The following TMEM108 variants were observed in gnomAD, a reference collection of about 807,000 sequenced individuals.
The protein encoded by TMEM108 is transmembrane protein 108, also known as cancer/testis antigen 124.
In TMEM108, 12 loss-of-function variants were observed where a neutral mutation model predicts 35.1. The observed-to-expected ratio is 0.34, with a 90% CI of 0.22 to 0.55. The LOEUF (loss-of-function observed/expected upper bound fraction) is 0.55. Ranked by LOEUF, TMEM108 falls within the 20% of genes least tolerant of loss-of-function variation. The pLI, the probability that TMEM108 is intolerant of heterozygous loss-of-function variation, is 0.89. For missense variants in TMEM108, 680 were observed against 753.3 expected (o/e 0.90, Z 1.14); for synonymous variants, 287 against 308.6 (o/e 0.93, Z 0.73).
At position 133,381,025 on chromosome 3, in the gene TMEM108, C is replaced by G. The variant is rs2072997807; in HGVS notation, c.1314C>G (p.Thr438=). Reference sequence around the variant, plus strand: ...TCAACCGCCTGGTCCCCGCCGGGACCTGGAAGCCTGGGACAGCAGGGAACA... The same window carrying G: ...TCAACCGCCTGGTCCCCGCCGGGACGTGGAAGCCTGGGACAGCAGGGAACA... ...NFLNRLVPAG[T]WKPGTAGNIS... The change falls in exon 4 of 6, where the codon ACC becomes ACG. Residue 438 remains threonine (T), a synonymous_variant. Coordinates refer to ENST00000321871, the MANE Select transcript of TMEM108 (RefSeq NM_023943.4). The G allele has an allele frequency of 6.2e-7, 1 of 1,614,222 alleles. No individual in the cohort carries two copies. The highest frequency in any genetic ancestry group is 8.5e-7 in the Non-Finnish European group (1 of 1,180,030).
chr3:133,306,783 T>C (rs536544318), intron 3 of TMEM108, among the ~76,000 whole-genome samples: 1 of 152,246 alleles, frequency 6.6e-6, no homozygotes, highest in African/African-American at 2.4e-5. Flanking sequence ...GACGTTTGGG[T>C]TGGTTCCAAG....
At chr3:133,381,528 C>T (rs1442696754) in intron 4 of TMEM108, among the ~76,000 whole-genome samples, 1 of 152,204 alleles carries the variant, frequency 6.6e-6, no homozygotes, top group African/African-American at 2.4e-5. Context: ...AGCTGTCTTC[C>T]AGCCCAGTGC....
chr3:133,047,444 A>T (rs748025081), intron 2 of TMEM108, among the ~76,000 whole-genome samples: 2 of 152,134 alleles, frequency 1.3e-5, no homozygotes, highest in African/African-American at 2.4e-5. Context: ...TTAATTATTG[A>T]TTTGGGGTCA....
At chr3:133,315,016 T>G (rs1430614283) in intron 3 of TMEM108, among the ~76,000 whole-genome samples, 2 of 152,200 alleles carry the variant, frequency 1.3e-5, no homozygotes, top group Non-Finnish European at 2.9e-5. Context: ...TTACTTAATC[T>G]TGTTTTGTCT....
At position 133,178,151 on chromosome 3, in the gene TMEM108, A is replaced by G. The variant is rs150067137; in HGVS notation, c.-46-51115A>G. Among the ~76,000 whole-genome samples the G allele has an allele frequency of 8.6e-3, 1,303 of 152,304 alleles. 23 individuals carry two copies. The highest frequency in any genetic ancestry group is 0.03 in the African/African-American group (1,237 of 41,564). Reference sequence around the variant, plus strand: ...AAGGAGAACTACAAACCACTGCTCAATGAAATAAAAGAGGATACAAACAAA... The same window carrying G: ...AAGGAGAACTACAAACCACTGCTCAGTGAAATAAAAGAGGATACAAACAAA... On this transcript the variant is annotated intron_variant, in intron 2 of 5. Coordinates refer to ENST00000321871, the MANE Select transcript of TMEM108 (RefSeq NM_023943.4).
At chr3:133,072,004 T>C (rs1197033961) in intron 2 of TMEM108, among the ~76,000 whole-genome samples, 1 of 152,200 alleles carries the variant, frequency 6.6e-6, no homozygotes, top group Non-Finnish European at 1.5e-5. Flanking sequence ...GTATATGATG[T>C]AAGACAAGCG....
At chr3:133,390,081 C>T (rs2073211859) in intron 4 of TMEM108, 99 bp from the exon 5 acceptor site, 3 of 1,446,816 alleles carry the variant, frequency 2.1e-6, no homozygotes, top group Non-Finnish European at 2.9e-6. Context: ...CCACCATACA[C>T]TTACTCCAGC....
intron 2 of TMEM108, among the ~76,000 whole-genome samples, chr3:133,187,006 C>A (rs973337244): frequency 5.3e-5 from 8 of 152,144 alleles, no homozygotes; most frequent in Admixed American, 3.3e-4. Flanking sequence ...GGCCTGTCTT[C>A]TCACACTATA....
intron 2 of TMEM108, among the ~76,000 whole-genome samples, chr3:133,083,007 G>T (rs1380478494): frequency 6.6e-6 from 1 of 152,074 alleles, no homozygotes; most frequent in East Asian, 1.9e-4. Flanking sequence ...GTCTAAAACA[G>T]TAACTTTTTC....
intron 2 of TMEM108, among the ~76,000 whole-genome samples, chr3:133,136,561 A>T (rs1944567321): frequency 1.3e-5 from 2 of 152,198 alleles, no homozygotes; most frequent in South Asian, 4.1e-4. Context: ...TGCAGTGGGC[A>T]CTACTGAGAA....
intron 2 of TMEM108, among the ~76,000 whole-genome samples, chr3:133,184,383 G>C (rs937010941): frequency 7.2e-5 from 11 of 151,966 alleles, no homozygotes; most frequent in African/African-American, 2.4e-4. Flanking sequence ...TTAGAGTTTT[G>C]CTTCTTATTT....
At chr3:133,299,326 T>C (rs928532623) in intron 3 of TMEM108, among the ~76,000 whole-genome samples, 1 of 152,206 alleles carries the variant, frequency 6.6e-6, no homozygotes, top group Admixed American at 6.5e-5. Flanking sequence ...GCTTAGTCTT[T>C]CTCCTTCAAC....
Position 133,283,985 on chromosome 3 carries a change from T to A in TMEM108, c.40+54634T>A, listed in dbSNP as rs190278063. On this transcript the variant is annotated intron_variant, in intron 3 of 5. Transcript: ENST00000321871. ...ATTTTAAGCACTCAGTCGTCACATG[T>A]GCCTAGTGGCTACCATACTGGAAAG... is the stretch of plus-strand genomic sequence containing the variant. 6.7e-3 allele frequency among the ~76,000 whole-genome samples: 1,021 copies of A among 152,300 alleles called. 17 individuals carry two copies. Among genetic ancestry groups the A allele is most frequent in the African/African-American group, 0.023 (960 of 41,554 alleles).
intron 2 of TMEM108, among the ~76,000 whole-genome samples, chr3:133,121,814 A>G (rs1338426416): frequency 6.6e-6 from 1 of 152,186 alleles, no homozygotes; most frequent in East Asian, 1.9e-4. Context: ...TGTAAGAAAA[A>G]AGTAGGAGGA....
intron 3 of TMEM108, among the ~76,000 whole-genome samples, chr3:133,270,920 T>C (rs1253229902): frequency 6.6e-6 from 1 of 152,006 alleles, no homozygotes; most frequent in Non-Finnish European, 1.5e-5. Flanking sequence ...CCTCACTCAC[T>C]CTGGTGCAGC....
rs146945939 is a variant in TMEM108, at chr3:133,353,082, T to C, written c.41-26670T>C. On this transcript the variant is annotated intron_variant, in intron 3 of 5. Transcript: ENST00000321871. ...CAGAGACCAAATATATATTTCTTAT[T>C]ATGTCACAACCACTTAACCACCTTT... Among the ~76,000 whole-genome samples, 1,096 of 152,224 alleles carry C rather than the reference T, an allele frequency of 7.2e-3. 15 individuals carry two copies. The highest frequency in any genetic ancestry group is 0.024 in the African/African-American group (1,014 of 41,546).
intron 3 of TMEM108, among the ~76,000 whole-genome samples, chr3:133,342,739 G>C (rs2071703605): frequency 6.6e-6 from 1 of 150,614 alleles, no homozygotes; most frequent in Non-Finnish European, 1.5e-5. Flanking sequence ...GCAGAATTGT[G>C]ATTACTGGAG....
intron 2 of TMEM108, among the ~76,000 whole-genome samples, chr3:133,165,656 G>A (rs1305401390): frequency 3.3e-5 from 5 of 152,166 alleles, no homozygotes; most frequent in African/African-American, 1.2e-4. Flanking sequence ...ATTATAGCTT[G>A]CAAGATGACC....
intron 2 of TMEM108, among the ~76,000 whole-genome samples, chr3:133,227,112 G>T (rs1946082852): frequency 6.6e-6 from 1 of 151,942 alleles, no homozygotes; most frequent in African/African-American, 2.4e-5. Flanking sequence ...TGAGATTTGG[G>T]TGGGGACATG....
Sources: gnomAD v4.1 joint callset for allele counts (sites outside exome capture counted in the v4.1 genomes callset) on GRCh38, gnomAD v4.1.1 for gene constraint, MANE v1.5 for transcripts, NCBI Gene and HGNC (gene_info 2026-07-23, HGNC 2026-07-21) for gene names.